Variants in MTRF1 observed in about 807,000 individuals in gnomAD.
MTRF1 encodes the protein mitochondrial translation release factor 1, also known as peptide chain release factor 1, mitochondrial.
Under a neutral mutation model 62.9 loss-of-function variants are expected in MTRF1, and 51 were observed. The observed-to-expected ratio is 0.81, with a 90% CI of 0.65 to 1.02. The LOEUF (loss-of-function observed/expected upper bound fraction) is 1.02. Ranked by LOEUF, MTRF1 falls within the 50% of genes least tolerant of loss-of-function variation. The pLI is 0.00. For missense variants in MTRF1, 446 were observed against 530.0 expected (o/e 0.84, Z 1.56); for synonymous variants, 158 against 181.9 (o/e 0.87, Z 1.06).
Position 41,252,888 on chromosome 13 carries a change from CAAAT to C in MTRF1, c.589+57_589+60del, listed in dbSNP as rs1457193444. The C allele has an allele frequency of 2.1e-6, 3 of 1,401,634 alleles. No homozygotes were observed. The Admixed American group carries it at 5.8e-5, about 27-fold the overall frequency. 86.8% of individuals were successfully genotyped at this position (1,401,634 alleles called of 1,614,324 possible). A position where few individuals can be genotyped will look rare whatever the true frequency, so the allele number is the denominator to read the frequency against. ...AATGGACTTTTAAAGTTAGTGTTATCAAATAAGGTAAAATTCAAGGACTTTTTAG... is the reference window on the plus strand; with the variant it reads ...AATGGACTTTTAAAGTTAGTGTTATCAAGGTAAAATTCAAGGACTTTTTAG... On this transcript the variant is annotated intron_variant, in intron 4 of 9. Transcript: ENST00000379480.
chr13:41,274,560 G>A, the MTRF1 span, among the ~76,000 whole-genome samples: 1 of 151,916 alleles, frequency 6.6e-6, no homozygotes, highest in Non-Finnish European at 1.5e-5. Context: ...CAAATTTGTT[G>A]AACCCCTTTC....
At chr13:41,233,532 G>A (rs992685545) in intron 7 of MTRF1, among the ~76,000 whole-genome samples, 53 of 152,168 alleles carry the variant, frequency 3.5e-4, no homozygotes, top group African/African-American at 1.2e-3. Flanking sequence ...GTGCAGCAAA[G>A]CCTAATGGAG....
At position 41,217,218 on chromosome 13, in the gene MTRF1, C is replaced by T. The variant is rs781281391; in HGVS notation, c.1235G>A (p.Cys412Tyr). The part of the protein sequence containing the change: ...YEVRDIKEFL[C>Y]GGKGLDQLIQ... ...TAGCTGATCCAGGCCCTTCCCACCA[C>T]ATAAAAATTCCTGGTAAAAGAGAGA... Residue 412 changes from cysteine (C) to tyrosine (Y), a missense_variant, in exon 10 of 10, where the codon TGT becomes TAT. Transcript: ENST00000379480. 1.1e-5 allele frequency: 17 copies of T among 1,598,584 alleles called. No homozygotes were observed. The highest frequency in any genetic ancestry group is 1.5e-5 in the Non-Finnish European group (17 of 1,171,132).
the MTRF1 span, among the ~76,000 whole-genome samples, chr13:41,271,082 C>CACACAT: frequency 0.053 from 7,900 of 150,030 alleles, 242 homozygotes; most frequent in Non-Finnish European, 0.077. Context: ...CACACACACA[C>CACACAT]ACACACACAC....
intron 7 of MTRF1, among the ~76,000 whole-genome samples, chr13:41,231,950 AGCTGGGACGGGGGAGTGGT>A (rs1390050846): frequency 6.6e-6 from 1 of 151,778 alleles, no homozygotes; most frequent in Non-Finnish European, 1.5e-5. Flanking sequence ...GCTACCAGGA[AGCTGGGACGGGGGAGTGGT>A]GCTGAGGTGG....
the MTRF1 span, chr13:41,311,689 C>G: frequency 9.9e-7 from 1 of 1,014,532 alleles, no homozygotes. Context: ...GCCTCCGCTG[C>G]CCACCGCTCT....
chr13:41,283,403 GT>G, the MTRF1 span, among the ~76,000 whole-genome samples: 1 of 151,978 alleles, frequency 6.6e-6, no homozygotes, highest in Non-Finnish European at 1.5e-5. Context: ...CCATATCAAG[GT>G]AGCAAATGCC....
upstream of MTRF1, among the ~76,000 whole-genome samples, chr13:41,263,779 A>C (rs1040837836): frequency 1.5e-5 from 2 of 134,918 alleles, no homozygotes; most frequent in African/African-American, 5.3e-5. Context: ...CCAGAGCGTG[A>C]GCCCAGAGCG....
chr13:41,235,672 G>A (rs1213539917), intron 6 of MTRF1: 1 of 152,720 alleles, frequency 6.5e-6, no homozygotes, highest in East Asian at 1.9e-4. Context: ...GCTGGAAGAT[G>A]CAAGGGAGGA....
intron 7 of MTRF1, chr13:41,229,117 G>C (rs1593653789): frequency 6.6e-6 from 1 of 152,216 alleles, no homozygotes; most frequent in African/African-American, 2.4e-5. Flanking sequence ...TGAAACCAAA[G>C]ACTCAGATCT....
At chr13:41,219,373 A>T (rs2032719432) in intron 9 of MTRF1, among the ~76,000 whole-genome samples, 1 of 152,188 alleles carries the variant, frequency 6.6e-6, no homozygotes, top group Non-Finnish European at 1.5e-5. Flanking sequence ...ATGTAAAAGG[A>T]TTATCCCTCT....
intron 8 of MTRF1, among the ~76,000 whole-genome samples, chr13:41,226,150 C>T (rs568217542): frequency 3.3e-5 from 5 of 152,142 alleles, no homozygotes; most frequent in African/African-American, 1.2e-4. Flanking sequence ...TCTTTTAAAC[C>T]GTTTTCTTCT....
rs67069580 is a variant in MTRF1, at chr13:41,259,701, C to CAAA, written c.415+789_415+791dup. Among the ~76,000 whole-genome samples the CAAA allele has an allele frequency of 4.0e-3, 118 of 29,226 alleles. 1 individual carries two copies. The highest frequency in any genetic ancestry group is 0.01 in the African/African-American group (97 of 9,288). The allele number at this position is 29,226 out of a possible 152,430, so 19.2% of individuals were successfully genotyped here. A position where few individuals can be genotyped will look rare whatever the true frequency, so the allele number is the denominator to read the frequency against. ...TGGGCGACAGAGCGAGACTCCGTCT[C>CAAA]AAAAAAAAAAAAAAAAAAAACATAA... On this transcript the variant is annotated intron_variant, in intron 2 of 9. Coordinates refer to ENST00000379480, the MANE Select transcript of MTRF1 (RefSeq NM_004294.4).
the MTRF1 span, chr13:41,311,228 C>A: frequency 2.0e-6 from 1 of 504,790 alleles, no homozygotes; most frequent in Non-Finnish European, 3.5e-6. Flanking sequence ...CGCATGCGCA[C>A]AGGATCCGGC....
the MTRF1 span, among the ~76,000 whole-genome samples, chr13:41,289,485 C>G: frequency 6.6e-6 from 1 of 152,200 alleles, no homozygotes; most frequent in Non-Finnish European, 1.5e-5. Context: ...ATCCACCCAC[C>G]TTGGCCTCTC....
chr13:41,235,476 A>G (rs995059031), intron 6 of MTRF1: 4 of 152,196 alleles, frequency 2.6e-5, no homozygotes, highest in African/African-American at 9.7e-5. Context: ...AATTCATGGA[A>G]CCTTATTCGG....
At chr13:41,225,009 C>T (rs9594499) in intron 8 of MTRF1, among the ~76,000 whole-genome samples, 79,948 of 151,720 alleles carry the variant, frequency 0.53, 21,840 homozygotes, top group South Asian at 0.62. Context: ...GCCAGGAGTT[C>T]GACACCAGCC....
the MTRF1 span, among the ~76,000 whole-genome samples, chr13:41,280,333 A>G: frequency 6.6e-6 from 1 of 151,680 alleles, no homozygotes; most frequent in African/African-American, 2.4e-5. Flanking sequence ...AAATTTATCT[A>G]TAGCTTGGAA....
At chr13:41,237,535 C>T (rs571468114) in intron 6 of MTRF1, among the ~76,000 whole-genome samples, 23 of 152,094 alleles carry the variant, frequency 1.5e-4, no homozygotes, top group African/African-American at 5.1e-4. Flanking sequence ...CTCACTCTGT[C>T]GCCCAGGCTG....
Sources: allele counts gnomAD v4.1 joint callset (sites outside exome capture counted in the v4.1 genomes callset), GRCh38; gene constraint gnomAD v4.1.1; transcripts MANE v1.5; gene names NCBI Gene and HGNC (gene_info 2026-07-23, HGNC 2026-07-21).